The following MB variants were observed in gnomAD, a reference collection of about 807,000 sequenced individuals.
MB encodes the protein nitrite reductase MB.
MB carries 10 observed loss-of-function variants against 14.5 expected under a neutral mutation model. The ratio of observed to expected loss-of-function variants is 0.69; its 90% CI spans 0.43 to 1.17. The LOEUF (loss-of-function observed/expected upper bound fraction) is 1.17, where lower values mean the gene tolerates loss of function less well. Ranked by LOEUF, MB falls within the 50% of genes most tolerant of loss-of-function variation. MB has a pLI of 0.00. For synonymous variants in MB, 89 were observed against 78.6 expected (o/e 1.13, Z -0.70); for missense variants, 169 against 192.7 (o/e 0.88, Z 0.73).
chr22:35,617,337 C>T, upstream of MB: 1 of 1,171,586 alleles, frequency 8.5e-7, no homozygotes, highest in Non-Finnish European at 1.3e-6. Flanking sequence ...TTTGAGGCTG[C>T]CTGGTCCCAA....
At chr22:35,609,925 C>G (rs45580034) in intron 2 of MB, among the ~76,000 whole-genome samples, 9 of 152,304 alleles carry the variant, frequency 5.9e-5, no homozygotes, top group African/African-American at 2.2e-4. Context: ...GAGCATTCCT[C>G]TCTTTCTCCT....
At chr22:35,614,128 T>C (rs1433769918) in intron 1 of MB, among the ~76,000 whole-genome samples, 2 of 152,228 alleles carry the variant, frequency 1.3e-5, no homozygotes, top group East Asian at 3.8e-4. Context: ...GAGGCCATTT[T>C]CCTGCTGTTC....
In MB at chr22:35,607,317, C is replaced by T; in HGVS notation, c.445G>A (p.Glu149Lys). ...GGGGCCTAGCCCTGGAAGCCCAGCT[C>T]CTTGTAGTTGGAGGCCATGTCCTTC... ...FRKDMASNYK[E>K]LGFQG is the part of the protein sequence containing the mutation. The change falls in exon 3 of 3, where the codon GAG becomes AAG. Residue 149 changes from glutamate (E) to lysine (K), a missense_variant. Transcript: ENST00000397326. The T allele has an allele frequency of 6.2e-7, 1 of 1,613,634 alleles. No individual in the cohort carries two copies. The highest frequency in any genetic ancestry group is 8.5e-7 in the Non-Finnish European group (1 of 1,179,572).
upstream of MB, among the ~76,000 whole-genome samples, chr22:35,620,962 G>A (rs1923423998): frequency 6.6e-6 from 1 of 152,184 alleles, no homozygotes; most frequent in Non-Finnish European, 1.5e-5. Context: ...GAAGTTGATG[G>A]ACCTTTTAAG....
chr22:35,609,209 C>A (rs1012538571), intron 2 of MB, among the ~76,000 whole-genome samples: 9 of 152,164 alleles, frequency 5.9e-5, no homozygotes, highest in Admixed American at 2.0e-4. Context: ...TGAGTGTCTG[C>A]TGGGAGACCG....
In MB at chr22:35,607,060, C is replaced by G; in HGVS notation, c.*237G>C. On this transcript the variant is annotated 3_prime_UTR_variant, in exon 3 of 3. Transcript: ENST00000397326. The stretch of plus-strand genomic sequence containing the variant: ...TAATTCAGATCCAAACCATGCAGAA[C>G]ACAGTGAGCCAAGGGCCACTCCCGG... The G allele has an allele frequency of 2.2e-6, 1 of 462,046 alleles. No homozygotes were observed. Among genetic ancestry groups the G allele is most frequent in the Non-Finnish European group, 3.9e-6 (1 of 258,952 alleles). The allele number at this position is 462,046 out of a possible 1,614,324, so 28.6% of individuals were successfully genotyped here.
intron 1 of MB, among the ~76,000 whole-genome samples, chr22:35,613,910 G>GC (rs572716370): frequency 2.1e-4 from 32 of 152,312 alleles, no homozygotes; most frequent in African/African-American, 7.5e-4. Context: ...GCAGCTAGGA[G>GC]CCCCCCAGGC....
At chr22:35,613,950 C>T (rs1011213826) in intron 1 of MB, among the ~76,000 whole-genome samples, 1 of 152,220 alleles carries the variant, frequency 6.6e-6, no homozygotes, top group African/African-American at 2.4e-5. Context: ...CCTGGATTTG[C>T]CTGATCCGGA....
upstream of MB, among the ~76,000 whole-genome samples, chr22:35,620,545 C>T (rs944279999): frequency 2.0e-5 from 3 of 152,176 alleles, no homozygotes; most frequent in Non-Finnish European, 4.4e-5. Flanking sequence ...GCTGGTCACT[C>T]GCTGGAGGTG....
chr22:35,611,467 AACAGCAGTTCTAGTCC>A, intron 1 of MB, among the ~76,000 whole-genome samples: 1 of 152,254 alleles, frequency 6.6e-6, no homozygotes, highest in Admixed American at 6.5e-5. Flanking sequence ...GAGTGACCAA[AACAGCAGTTCTAGTCC>A]ACGCTGCGAC....
intron 1 of MB, chr22:35,622,672 C>G (rs1275198018): frequency 1.3e-5 from 2 of 152,440 alleles, no homozygotes; most frequent in African/African-American, 4.8e-5. Flanking sequence ...GACACAACAT[C>G]CTAATCCCTT....
exon 1 of MB, chr22:35,623,256 C>G (rs13056550): frequency 3.9e-5 from 6 of 152,318 alleles, no homozygotes; most frequent in Admixed American, 6.5e-5. Context: ...GCTTCAGAGT[C>G]TCTGCTTCAT....
chr22:35,611,947 A>G (rs1361871954), intron 1 of MB, among the ~76,000 whole-genome samples: 1 of 151,994 alleles, frequency 6.6e-6, no homozygotes, highest in Non-Finnish European at 1.5e-5. Context: ...GGTTAAAGGG[A>G]GTCAGACCTG....
chr22:35,613,341 C>T (rs971603360), intron 1 of MB, among the ~76,000 whole-genome samples: 3 of 152,216 alleles, frequency 2.0e-5, no homozygotes, highest in African/African-American at 4.8e-5. Context: ...AGCTGAGTTC[C>T]GGTCCCAGTT....
upstream of MB, chr22:35,617,513 C>A (rs73405616): frequency 2.4e-5 from 12 of 507,014 alleles, no homozygotes; most frequent in South Asian, 2.9e-4. Context: ...GCCATTGTGG[C>A]GAGGCAGGAC....
Position 35,617,179 on chromosome 22 carries a change from GC to G in MB, c.78del (p.Gln27ArgfsTer24). On this transcript the variant is annotated frameshift_variant, in exon 1 of 3. Coordinates refer to ENST00000397326, the MANE Select transcript of MB (RefSeq NM_005368.3). LOFTEE classifies it high-confidence loss of function. ...GKVEADIPGH[G>X]QEVLIRLFKG... ...TCCTTTTACCTGATGAGGACTTCCT[GC>G]CCATGGCCTGGGATGTCAGCCTCCA... 6.2e-7 allele frequency: 1 copy of G among 1,613,672 alleles called. No homozygotes were observed. Among genetic ancestry groups the G allele is most frequent in the African/African-American group, 1.3e-5 (1 of 75,026 alleles).
intron 1 of MB, among the ~76,000 whole-genome samples, chr22:35,613,050 G>A (rs917431662): frequency 4.6e-5 from 7 of 152,180 alleles, no homozygotes; most frequent in Admixed American, 6.5e-5. Flanking sequence ...CCAAATCCTC[G>A]TGCGTCACTG....
intron 2 of MB, 86 bp from the exon 3 acceptor site, chr22:35,607,529 C>G: frequency 2.9e-6 from 4 of 1,369,566 alleles, no homozygotes; most frequent in Non-Finnish European, 4.1e-6. Flanking sequence ...CCTACCTTCT[C>G]TTTATTCCAG....
At chr22:35,621,652 C>T (rs1460843306), upstream of MB, among the ~76,000 whole-genome samples, 2 of 152,174 alleles carry the variant, frequency 1.3e-5, no homozygotes, top group African/African-American at 4.8e-5. Flanking sequence ...CTTTAAAAAT[C>T]CTTTTTTATG....
Sources: allele counts gnomAD v4.1 joint callset (sites outside exome capture counted in the v4.1 genomes callset), GRCh38; gene constraint gnomAD v4.1.1; transcripts MANE v1.5; gene names NCBI Gene and HGNC (gene_info 2026-07-23, HGNC 2026-07-21).